The following HEATR3 variants were observed in gnomAD, a reference collection of about 807,000 sequenced individuals.
The protein encoded by HEATR3 is HEAT repeat-containing protein 3.
Under a neutral mutation model 72.8 loss-of-function variants are expected in HEATR3, and 56 were observed. The ratio of observed to expected loss-of-function variants is 0.77; its 90% CI spans 0.62 to 0.96. HEATR3 has a LOEUF of 0.96. HEATR3 is among the 40% of genes least tolerant of loss of function. The probability of loss-of-function intolerance (pLI) is 0.00; values close to 1 mark genes in which losing one functional copy is unlikely to be tolerated. For synonymous variants in HEATR3, 331 were observed against 318.1 expected, an observed-to-expected ratio of 1.04 and a Z score of -0.43; for missense variants, 747 against 831.4, an observed-to-expected ratio of 0.90 and a Z score of 1.25.
At chr16:50,099,364 G>T (rs2037316585) in intron 12 of HEATR3, among the ~76,000 whole-genome samples, 1 of 152,134 alleles carries the variant, frequency 6.6e-6, no homozygotes, top group South Asian at 2.1e-4. Context: ...TAACACTTTG[G>T]GAGCCTGAGG....
chr16:50,079,304 G>A (rs186864175), intron 7 of HEATR3, among the ~76,000 whole-genome samples: 31 of 152,260 alleles, frequency 2.0e-4, no homozygotes, highest in East Asian at 1.2e-3. Flanking sequence ...GATCACCTTC[G>A]TAACTCTTGC....
At chr16:50,067,867 A>T (rs1472028781) in intron 2 of HEATR3, among the ~76,000 whole-genome samples, 2 of 152,194 alleles carry the variant, frequency 1.3e-5, no homozygotes, top group East Asian at 3.8e-4. Context: ...TCCTTAAGAA[A>T]TCTTAAAGTG....
chr16:50,106,975 G>A lies in HEATR3; in HGVS notation c.*1914G>A, dbSNP rs1311283834. ...AACACCTCGCTTTATTATGGTCCTTGCTCATGAATTTTAAGGTATATATGT... is the reference window on the plus strand; with the variant it reads ...AACACCTCGCTTTATTATGGTCCTTACTCATGAATTTTAAGGTATATATGT... On this transcript the variant is annotated 3_prime_UTR_variant, in exon 15 of 15. Transcript: ENST00000299192. Among the ~76,000 whole-genome samples the A allele has an allele frequency of 6.6e-6, 1 of 152,022 alleles. No homozygotes were observed. Among genetic ancestry groups the A allele is most frequent in the Admixed American group, 6.6e-5 (1 of 15,236 alleles).
chr16:50,094,873 A>G (rs1567444128), intron 12 of HEATR3, 80 bp downstream of exon 12: 1 of 712,958 alleles, frequency 1.4e-6, no homozygotes, highest in Non-Finnish European at 2.4e-6. Context: ...TCACTATTTT[A>G]AAAAATACAT....
chr16:50,093,549 C>T (rs758066776), intron 11 of HEATR3, among the ~76,000 whole-genome samples: 1 of 152,174 alleles, frequency 6.6e-6, no homozygotes, highest in African/African-American at 2.4e-5. Flanking sequence ...TCCTTCACAT[C>T]CTACGGTGCC....
Position 50,072,595 on chromosome 16 carries a change from T to G in HEATR3, c.513-10T>G, listed in dbSNP as rs1283396401. ...GAATAGTAAAACTTTTTTTTCCCCC[T>G]TCAATTTAGTGAATGCAGTAGTAGA... is the stretch of plus-strand genomic sequence containing the variant. On this transcript the variant is annotated splice_polypyrimidine_tract_variant and intron_variant, in intron 4 of 14. Transcript: ENST00000299192. 1.9e-6 allele frequency: 3 copies of G among 1,563,256 alleles called. No individual in the cohort carries two copies. The highest frequency in any genetic ancestry group is 2.6e-6 in the Non-Finnish European group (3 of 1,136,266).
chr16:50,095,224 G>A (rs1473289276), intron 12 of HEATR3, among the ~76,000 whole-genome samples: 1 of 150,848 alleles, frequency 6.6e-6, no homozygotes, highest in Non-Finnish European at 1.5e-5. Flanking sequence ...AGTGATTCTC[G>A]TGCCTCAGCC....
At chr16:50,082,564 T>C (rs2150607895) in intron 7 of HEATR3, among the ~76,000 whole-genome samples, 1 of 151,920 alleles carries the variant, frequency 6.6e-6, no homozygotes, top group East Asian at 1.9e-4. Flanking sequence ...GTCTATTGAA[T>C]TAGCAATTTG....
In HEATR3 at chr16:50,107,134, A is replaced by C. The variant is rs2037502645; in HGVS notation, c.*2073A>C. 2.0e-5 allele frequency among the ~76,000 whole-genome samples: 3 copies of C among 152,216 alleles called. No homozygotes were observed. Among genetic ancestry groups the C allele is most frequent in the Admixed American group, 2.0e-4 (3 of 15,280 alleles). ...AAATATAATTATTTTCAAGGAGAAA[A>C]AAGTTCCTCATTCTGTTTATTCTTC... is the stretch of plus-strand genomic sequence containing the variant. On this transcript the variant is annotated 3_prime_UTR_variant, in exon 15 of 15. Transcript: ENST00000299192.
chr16:50,102,307 G>T lies in HEATR3; in HGVS notation c.1792G>T (p.Val598Leu). Residue 598 changes from valine (V) to leucine (L), a missense_variant, in exon 14 of 15, where the codon GTG becomes TTG. By Grantham distance (32) the Val-to-Leu change is conservative. Coordinates refer to ENST00000299192, the MANE Select transcript of HEATR3 (RefSeq NM_182922.4). ...AGTTACCACCAAAGATCCTTCCCTT[G>T]TGGTAGCAGGAGAAGCTTTGGATGC... ...LEVTTKDPSL[V>L]VAGEALDALF... 6.2e-7 allele frequency: 1 copy of T among 1,614,058 alleles called. No individual in the cohort carries two copies. Among genetic ancestry groups the T allele is most frequent in the Non-Finnish European group, 8.5e-7 (1 of 1,179,984 alleles).
At position 50,105,163 on chromosome 16, in the gene HEATR3, T is replaced by A; in HGVS notation, c.*102T>A. 1 of 1,295,626 alleles carries A rather than the reference T, an allele frequency of 7.7e-7. No homozygotes were observed. The highest frequency in any genetic ancestry group is 1.3e-5 in the South Asian group (1 of 77,692). The allele number at this position is 1,295,626 out of a possible 1,614,324, so 80.3% of individuals were successfully genotyped here. On this transcript the variant is annotated 3_prime_UTR_variant, in exon 15 of 15. Coordinates refer to ENST00000299192, the MANE Select transcript of HEATR3 (RefSeq NM_182922.4). ...TATGTTTCTGAAAGTCATTTTTTAA[T>A]GATTACATTCTGTACATTCTGTAAA...
intron 14 of HEATR3, among the ~76,000 whole-genome samples, chr16:50,103,670 A>T (rs1014809384): frequency 6.6e-6 from 1 of 152,162 alleles, no homozygotes; most frequent in Non-Finnish European, 1.5e-5. Context: ...TGCACACTAA[A>T]ACCTGAGAGC....
Position 50,066,005 on chromosome 16 carries a change from A to C in HEATR3, c.-127A>C, listed in dbSNP as rs1039137985. 3.1e-5 allele frequency: 20 copies of C among 643,122 alleles called. No homozygotes were observed. Among genetic ancestry groups the C allele is most frequent in the African/African-American group, 2.1e-4 (8 of 37,412 alleles). The allele number at this position is 643,122 out of a possible 1,614,324, so 39.8% of individuals were successfully genotyped here. On this transcript the variant is annotated 5_prime_UTR_variant, in exon 1 of 15. It removes an upstream start codon present in the reference 5' UTR. Transcript: ENST00000299192. ...CCGTGCGCCTGCGCACGGCTTGCCC[A>C]TGTGTGCTGCAGCCGTCAGCCGGCC... is the stretch of plus-strand genomic sequence containing the variant.
intron 7 of HEATR3, among the ~76,000 whole-genome samples, chr16:50,083,408 T>A (rs938964162): frequency 2.6e-5 from 4 of 152,128 alleles, no homozygotes. Flanking sequence ...TATTATAGTC[T>A]TTACAGAAAG....
intron 13 of HEATR3, among the ~76,000 whole-genome samples, chr16:50,101,916 T>G (rs1447097841): frequency 6.6e-6 from 1 of 151,868 alleles, no homozygotes; most frequent in Non-Finnish European, 1.5e-5. Flanking sequence ...AAGCAGATTT[T>G]TTGTTGTTGT....
rs1287341828 is a variant in HEATR3, at chr16:50,066,234, G to A, written c.103G>A (p.Glu35Lys). Reference protein sequence around the residue: ...AAAANGTGGEEDDGPAAELLE... With the variant: ...AAAANGTGGEKDDGPAAELLE... ...GGCGGCGAATGGGACCGGAGGCGAG[G>A]AGGACGACGGGCCGGCGGCGGAGCT... Residue 35 changes from glutamate (E) to lysine (K), a missense_variant, in exon 1 of 15, where the codon GAG (glutamate) becomes AAG (lysine). Physicochemically the swap from Glu to Lys is moderately conservative, Grantham distance 56. Transcript: ENST00000299192. The A allele has an allele frequency of 5.1e-6, 8 of 1,570,534 alleles. No individual in the cohort carries two copies. The highest frequency in any genetic ancestry group is 6.9e-6 in the Non-Finnish European group (8 of 1,160,048).
rs898864937 is a variant in HEATR3 at position 50,066,259 on chromosome 16, T to G, written c.128T>G (p.Leu43Arg). Reference protein sequence around the residue: ...GEEDDGPAAELLEKLQHPSAE... With the variant: ...GEEDDGPAAERLEKLQHPSAE... ...GAGGACGACGGGCCGGCGGCGGAGCTGCTGGAAAAGGTGAGGCGAGGGCTC... is the reference window on the plus strand; with the variant it reads ...GAGGACGACGGGCCGGCGGCGGAGCGGCTGGAAAAGGTGAGGCGAGGGCTC... The change falls in exon 1 of 15, where the codon CTG becomes CGG. Residue 43 changes from leucine to arginine, a missense_variant. Coordinates refer to ENST00000299192, the MANE Select transcript of HEATR3 (RefSeq NM_182922.4). 2 of 1,568,240 alleles carry G rather than the reference T, an allele frequency of 1.3e-6. No individual in the cohort carries two copies. Among genetic ancestry groups the G allele is most frequent in the Non-Finnish European group, 1.7e-6 (2 of 1,160,276 alleles).
At chr16:50,073,627 A>G (rs899455222) in intron 5 of HEATR3, 3 of 152,346 alleles carry the variant, frequency 2.0e-5, no homozygotes, top group African/African-American at 7.2e-5. Flanking sequence ...CGATTCAGCC[A>G]TTTTTAGGAA....
At chr16:50,083,354 GA>G (rs377224129) in intron 7 of HEATR3, among the ~76,000 whole-genome samples, 34 of 150,588 alleles carry the variant, frequency 2.3e-4, no homozygotes, top group Middle Eastern at 6.8e-3. Context: ...TATTTTCAGA[GA>G]AAAAAAAAGC....
Sources: allele counts gnomAD v4.1 joint callset (sites outside exome capture counted in the v4.1 genomes callset), GRCh38; gene constraint gnomAD v4.1.1; transcripts MANE v1.5; gene names NCBI Gene and HGNC (gene_info 2026-07-23, HGNC 2026-07-21).